The following CUX1 variants were observed in gnomAD, a reference collection of about 807,000 sequenced individuals.
CUX1 encodes protein CASP.
A neutral mutation model predicts 158.8 loss-of-function variants in CUX1; 31 were observed. The ratio of observed to expected loss-of-function variants is 0.20; its 90% confidence interval spans 0.15 to 0.26. The LOEUF is 0.26. CUX1 is among the 10% of genes least tolerant of loss of function. The probability of loss-of-function intolerance (pLI) is 1.00; values close to 1 mark genes in which losing one functional copy is unlikely to be tolerated. For synonymous variants in CUX1, 879 were observed against 862.1 expected (o/e 1.02, Z -0.34); for missense variants, 1,589 against 2,014.6 (o/e 0.79, Z 4.04).
At chr7:102,264,881 C>T (rs1293206790) in intron 14 of CUX1, 1 of 152,446 alleles carries the variant, frequency 6.6e-6, no homozygotes, top group Non-Finnish European at 1.5e-5. Context: ...TGGTTCTGCT[C>T]TTAGTACGGA....
intron 2 of CUX1, among the ~76,000 whole-genome samples, chr7:102,008,214 T>A (rs1212177840): frequency 6.6e-6 from 1 of 152,126 alleles, no homozygotes; most frequent in Non-Finnish European, 1.5e-5. Context: ...CATGTCTGGG[T>A]TCTTCTAGGG....
chr7:102,204,986 G>A lies in CUX1; in HGVS notation c.3074-128G>A, dbSNP rs559028420. On this transcript the variant is annotated intron_variant, in intron 19 of 23. Transcript: ENST00000292535. ...TGCAACAGCAGCGCCTCCCCGGCCC[G>A]TGGGTCCCCATGCCCGCCCCTCCCC... The A allele has an allele frequency of 2.1e-4, 144 of 678,646 alleles. 2 individuals are homozygous for A. The highest frequency in any genetic ancestry group is 1.8e-3 in the Admixed American group (70 of 39,420). The allele number at this position is 678,646 out of a possible 1,614,324, so 42.0% of individuals were successfully genotyped here.
intron 1 of CUX1, among the ~76,000 whole-genome samples, chr7:101,848,866 AAG>A (rs1349372457): frequency 6.6e-6 from 1 of 151,960 alleles, no homozygotes; most frequent in Non-Finnish European, 1.5e-5. Flanking sequence ...GAAAAAAAAA[AAG>A]AGTTTGAAAA....
chr7:102,183,879 TAGTC>T lies in CUX1; in HGVS notation c.1017+5225_1017+5228del, dbSNP rs545406681. On this transcript the variant is annotated intron_variant, in intron 11 of 23. Transcript: ENST00000292535. Reference sequence around the variant, plus strand: ...ATGACCTTTCCCTGGGTCTCTGCCTTAGTCAGACCTGCCAGAGGCCCCTTTGCTG... The same window carrying T: ...ATGACCTTTCCCTGGGTCTCTGCCTTAGACCTGCCAGAGGCCCCTTTGCTG... Among the ~76,000 whole-genome samples, 372 of 152,332 alleles carry T rather than the reference TAGTC, an allele frequency of 2.4e-3. 3 individuals carry two copies. Among genetic ancestry groups the T allele is most frequent in the Middle Eastern group, 6.8e-3 (2 of 294 alleles).
At chr7:102,096,635 G>A (rs1344590723) in intron 4 of CUX1, among the ~76,000 whole-genome samples, 1 of 152,210 alleles carries the variant, frequency 6.6e-6, no homozygotes, top group African/African-American at 2.4e-5. Flanking sequence ...GAGCCCAGGA[G>A]GTGGAGGCTG....
rs1274631248 is a variant in CUX1, at chr7:102,162,659, C to T, written c.723+4051C>T. Among the ~76,000 whole-genome samples, 3 of 152,180 alleles carry T rather than the reference C, an allele frequency of 2.0e-5. No individual in the cohort carries two copies. The East Asian group carries it at 5.8e-4, about 29-fold the overall frequency. ...CCTCCCAAAGTGCTGAGATTACAGG[C>T]ACATGCCACCACACCCAGCTAATTA... On this transcript the variant is annotated intron_variant, in intron 9 of 23. Transcript: ENST00000292535.
chr7:102,210,127 C>T (rs1554522748), intron 20 of CUX1, among the ~76,000 whole-genome samples: 2 of 152,088 alleles, frequency 1.3e-5, no homozygotes, highest in Non-Finnish European at 2.9e-5. Context: ...GATGGAGTCT[C>T]GTTCTGTCAC....
At chr7:102,235,467 G>A (rs527796089) in intron 22 of CUX1, among the ~76,000 whole-genome samples, 5 of 152,178 alleles carry the variant, frequency 3.3e-5, no homozygotes, top group African/African-American at 1.2e-4. Context: ...TTGGGAGTCC[G>A]AGGCAGGTGG....
intron 2 of CUX1, among the ~76,000 whole-genome samples, chr7:101,930,723 T>G (rs561067472): frequency 6.6e-6 from 1 of 152,296 alleles, no homozygotes; most frequent in East Asian, 1.9e-4. Flanking sequence ...TCTGGAAGCT[T>G]AGATTGTGAT....
rs139719470 is a variant in CUX1 at position 102,227,284 on chromosome 7, G to C, written c.3131-83G>C. On this transcript the variant is annotated intron_variant, in intron 20 of 23. Transcript: ENST00000292535. ...GCTTCTCCTACAGAGCGTTTAATTA[G>C]TATTTCCTAGATAAGGAACGTAGAT... 1.6e-4 allele frequency: 192 copies of C among 1,222,210 alleles called. No homozygotes were observed. In the African/African-American group the frequency reaches 2.6e-3, roughly 17 times the overall value. 75.7% of individuals were successfully genotyped at this position (1,222,210 alleles called of 1,614,324 possible).
intron 20 of CUX1, among the ~76,000 whole-genome samples, chr7:102,208,118 G>T (rs1270150185): frequency 6.6e-6 from 1 of 152,088 alleles, no homozygotes; most frequent in Non-Finnish European, 1.5e-5. Flanking sequence ...AGCCCAGGAG[G>T]TCGAGGCTGC....
At chr7:101,989,782 G>A (rs1481005738) in intron 2 of CUX1, among the ~76,000 whole-genome samples, 1 of 152,210 alleles carries the variant, frequency 6.6e-6, no homozygotes, top group Non-Finnish European at 1.5e-5. Flanking sequence ...CTTGGATTCT[G>A]GGTGTACAGA....
intron 2 of CUX1, among the ~76,000 whole-genome samples, chr7:102,005,587 C>T (rs1817253920): frequency 6.6e-6 from 1 of 152,200 alleles, no homozygotes; most frequent in African/African-American, 2.4e-5. Context: ...CCTCCTGCCT[C>T]AGCCTCCCAC....
intron 1 of CUX1, among the ~76,000 whole-genome samples, chr7:101,890,654 G>C (rs1047129639): frequency 6.6e-6 from 1 of 152,130 alleles, no homozygotes; most frequent in African/African-American, 2.4e-5. Flanking sequence ...AGAGGTTGGT[G>C]CGAAAATAGC....
At chr7:102,276,302 TG>T in intron 17 of CUX1, among the ~76,000 whole-genome samples, 1 of 152,300 alleles carries the variant, frequency 6.6e-6, no homozygotes, top group East Asian at 1.9e-4. Context: ...GCTCAAGTTT[TG>T]GTTGTGTTTG....
intron 2 of CUX1, among the ~76,000 whole-genome samples, chr7:102,020,494 T>A (rs1171040682): frequency 6.6e-6 from 1 of 152,254 alleles, no homozygotes; most frequent in Admixed American, 6.5e-5. Context: ...TTAACAGCTA[T>A]CTAACGTGAC....
At chr7:101,868,868 G>C (rs77005373) in intron 1 of CUX1, among the ~76,000 whole-genome samples, 30,379 of 152,138 alleles carry the variant, frequency 0.2, 3,874 homozygotes, top group Non-Finnish European at 0.28. Context: ...CAGAACGGGA[G>C]CAAGAGGGCC....
intron 18 of CUX1, among the ~76,000 whole-genome samples, chr7:102,203,371 T>C (rs910170374): frequency 6.6e-6 from 1 of 151,964 alleles, no homozygotes; most frequent in Non-Finnish European, 1.5e-5. Context: ...GGTCCCTGCA[T>C]GGCGCCGTCC....
chr7:102,082,545 A>G lies in CUX1; in HGVS notation c.268+12128A>G, dbSNP rs369873113. Among the ~76,000 whole-genome samples, 17 of 147,130 alleles carry G rather than the reference A, an allele frequency of 1.2e-4. 2 individuals carry two copies. In the South Asian group the frequency reaches 3.3e-3, roughly 28 times the overall value. On this transcript the variant is annotated intron_variant, in intron 4 of 23. Transcript: ENST00000292535. ...ATAAATACATACATAAACACATACA[A>G]TGAAATGCGCTCATTTCAAGTGTGC...
Sources: allele counts gnomAD v4.1 joint callset (sites outside exome capture counted in the v4.1 genomes callset), GRCh38; gene constraint gnomAD v4.1.1; transcripts MANE v1.5; gene names NCBI Gene and HGNC (gene_info 2026-07-23, HGNC 2026-07-21).